SHANK2: variants seen among roughly 807,000 people sequenced by gnomAD.
SHANK2 encodes SH3 and multiple ankyrin repeat domains 2.
In SHANK2, 43 loss-of-function variants were observed where a neutral mutation model predicts 133.7. The ratio of observed to expected loss-of-function variants is 0.32; its 90% CI spans 0.25 to 0.41. The LOEUF (loss-of-function observed/expected upper bound fraction) is 0.41. SHANK2 is among the 10% of genes least tolerant of loss of function. The pLI is 1.00. For synonymous variants in SHANK2, 1,017 were observed against 952.8 expected (o/e 1.07, Z -1.24); for missense variants, 1,994 against 2,235.8 (o/e 0.89, Z 2.18).
rs543805281 is a variant in SHANK2, at chr11:70,642,983, C to T, written c.2061+16845G>A. On this transcript the variant is annotated intron_variant, in intron 17 of 25. Coordinates refer to ENST00000601538, the MANE Select transcript of SHANK2 (RefSeq NM_012309.5). ...ACAAAGAAATACATGTTGGAGGTGA[C>T]GACATCGCAGTTATCCTGATTTGAT... is the stretch of plus-strand genomic sequence containing the variant. Among the ~76,000 whole-genome samples, 120 of 152,290 alleles carry T rather than the reference C, an allele frequency of 7.9e-4. No individual in the cohort carries two copies. In the South Asian group the frequency reaches 0.01, roughly 13 times the overall value.
intron 2 of SHANK2, among the ~76,000 whole-genome samples, chr11:71,165,555 G>A (rs1297105128): frequency 1.1e-4 from 16 of 152,206 alleles, no homozygotes; most frequent in African/African-American, 3.1e-4. Flanking sequence ...AACACCAAGC[G>A]GGAAGGCTGT....
At chr11:70,663,089 G>A (rs1388055970) in intron 15 of SHANK2, among the ~76,000 whole-genome samples, 11 of 152,184 alleles carry the variant, frequency 7.2e-5, no homozygotes, top group East Asian at 1.9e-4. Context: ...AAGGACACCA[G>A]GCCAGCGGCC....
At chr11:70,662,076 G>A in intron 15 of SHANK2, 2 of 480,106 alleles carry the variant, frequency 4.2e-6, no homozygotes, top group Non-Finnish European at 7.7e-6. Context: ...CAGCGGCGGC[G>A]TCGGGAATGA....
At chr11:71,219,064 T>C (rs1555120605) in intron 2 of SHANK2, among the ~76,000 whole-genome samples, 1 of 152,128 alleles carries the variant, frequency 6.6e-6, no homozygotes, top group Non-Finnish European at 1.5e-5. Context: ...GAGGACACCA[T>C]CACGTGCAAT....
chr11:71,145,046 C>CT (rs1285544340), intron 3 of SHANK2, among the ~76,000 whole-genome samples: 2 of 152,176 alleles, frequency 1.3e-5, no homozygotes, highest in Non-Finnish European at 2.9e-5. Flanking sequence ...TCATTTATAG[C>CT]TTTTATAAGA....
At chr11:70,563,305 C>G (rs80173340) in intron 17 of SHANK2, among the ~76,000 whole-genome samples, 3,515 of 152,270 alleles carry the variant, frequency 0.023, 78 homozygotes, top group East Asian at 0.096. Flanking sequence ...TGCTGATGTT[C>G]TACCACTTCG....
intron 10 of SHANK2, among the ~76,000 whole-genome samples, chr11:70,899,456 T>A (rs1949993198): frequency 6.6e-6 from 1 of 152,218 alleles, no homozygotes; most frequent in Non-Finnish European, 1.5e-5. Context: ...TCTCAGGTAT[T>A]TCTTCATAGC....
At chr11:70,653,414 AAGTCCCATTTTAAAATACC>A (rs1472866157) in intron 17 of SHANK2, among the ~76,000 whole-genome samples, 2 of 151,820 alleles carry the variant, frequency 1.3e-5, no homozygotes, top group Admixed American at 1.3e-4. Flanking sequence ...CACATTTCTC[AAGTCCCATTTTAAAATACC>A]AGCCCAAGAA....
intron 2 of SHANK2, among the ~76,000 whole-genome samples, chr11:71,150,852 G>A (rs1952782844): frequency 1.3e-5 from 2 of 152,094 alleles, no homozygotes; most frequent in African/African-American, 4.8e-5. Flanking sequence ...GCCAAGAAAA[G>A]GGGGCACCTG....
At chr11:71,064,074 A>T (rs1951018265) in intron 9 of SHANK2, among the ~76,000 whole-genome samples, 1 of 152,142 alleles carries the variant, frequency 6.6e-6, no homozygotes, top group Non-Finnish European at 1.5e-5. Context: ...CCCAGACCCC[A>T]TCATTTCCAT....
At chr11:71,240,639 A>T (rs1338563448) in intron 1 of SHANK2, among the ~76,000 whole-genome samples, 1 of 152,244 alleles carries the variant, frequency 6.6e-6, no homozygotes, top group Non-Finnish European at 1.5e-5. Flanking sequence ...CATCAAAAAA[A>T]TAAAATGGGC....
At chr11:70,815,899 C>A (rs1555054200) in intron 12 of SHANK2, among the ~76,000 whole-genome samples, 1 of 152,218 alleles carries the variant, frequency 6.6e-6, no homozygotes, top group East Asian at 1.9e-4. Flanking sequence ...GGGTGCTGAG[C>A]ATGTGCAGAG....
At chr11:70,494,310 A>C (rs1213732959) in intron 21 of SHANK2, among the ~76,000 whole-genome samples, 1 of 152,050 alleles carries the variant, frequency 6.6e-6, no homozygotes, top group Non-Finnish European at 1.5e-5. Flanking sequence ...AGGGCAGTCT[A>C]TACTTTTTTT....
chr11:70,472,872 T>A lies in SHANK2; in HGVS notation c.5547A>T (p.Arg1849Ser). Residue 1849 changes from arginine (R) to serine (S), a missense_variant, in exon 26 of 26, where the codon AGA becomes AGT. Coordinates refer to ENST00000601538, the MANE Select transcript of SHANK2 (RefSeq NM_012309.5). This position sits in a 1 kb window ranked among gnomAD's most constrained non-coding sequence, Gnocchi z 4.4. ...GCGAGGTGGAGAGCAGCCGTCCTTA[T>A]CTGTCCAGCAGCTGTTTCAAAGCCC... ...IERALKQLLD[R>S] The A allele has an allele frequency of 1.2e-6, 2 of 1,614,194 alleles. No individual in the cohort carries two copies. Among genetic ancestry groups the A allele is most frequent in the South Asian group, 1.1e-5 (1 of 91,084 alleles).
chr11:70,843,652 C>T (rs2135439599), intron 11 of SHANK2, among the ~76,000 whole-genome samples: 1 of 151,916 alleles, frequency 6.6e-6, no homozygotes, highest in Non-Finnish European at 1.5e-5. Flanking sequence ...TGCAGGAGGC[C>T]CCAGCCCTGC....
chr11:71,224,141 C>T, intron 2 of SHANK2, among the ~76,000 whole-genome samples: 1 of 152,230 alleles, frequency 6.6e-6, no homozygotes, highest in East Asian at 1.9e-4. Flanking sequence ...CTGCATGGAG[C>T]TGGTGGTAGT....
At chr11:70,941,819 T>C (rs987794279) in intron 10 of SHANK2, among the ~76,000 whole-genome samples, 1 of 152,138 alleles carries the variant, frequency 6.6e-6, no homozygotes, top group South Asian at 2.1e-4. Context: ...TATAGCAGCC[T>C]GTCTTTGTCT....
chr11:71,186,149 T>G (rs1468477354), intron 2 of SHANK2, among the ~76,000 whole-genome samples: 1 of 152,184 alleles, frequency 6.6e-6, no homozygotes, highest in Non-Finnish European at 1.5e-5. Flanking sequence ...TGAACCCAAT[T>G]TGATGCCCAT....
At chr11:71,086,176 TTA>T (rs1453773263) in intron 8 of SHANK2, among the ~76,000 whole-genome samples, 9 of 11,580 alleles carry the variant, frequency 7.8e-4, no homozygotes, top group Non-Finnish European at 9.9e-4. Context: ...ATATAATATA[TTA>T]TGTTATATAA....
Sources: gnomAD v4.1 joint callset for allele counts (sites outside exome capture counted in the v4.1 genomes callset) on GRCh38, gnomAD v4.1.1 for gene constraint, Gnocchi (gnomAD v3.1) non-coding constraint, MANE v1.5 for transcripts, NCBI Gene and HGNC (gene_info 2026-07-23, HGNC 2026-07-21) for gene names.